The following KDM4B variants were observed in gnomAD, a reference collection of about 807,000 sequenced individuals.
The protein encoded by KDM4B is lysine-specific demethylase 4B.
A neutral mutation model predicts 125.2 loss-of-function variants in KDM4B; 32 were observed. The observed-to-expected ratio is 0.26, with a 90% CI of 0.19 to 0.34. KDM4B has a LOEUF of 0.34. Among genes scored for constraint, KDM4B ranks in the 10% least tolerant of loss-of-function variants. KDM4B has a pLI of 1.00. For synonymous variants in KDM4B, 721 were observed against 677.9 expected (o/e 1.06, Z -0.99); for missense variants, 1,190 against 1,577.7 (o/e 0.75, Z 4.16).
rs979959719 is a variant in KDM4B at position 5,083,761 on chromosome 19, G to A, written c.918+1257G>A. Reference sequence around the variant, plus strand: ...GTGGCTGCTCGTGATGCAGCAGGACGGGCAGCGGGCTGGCCAGGGTGAGAG... The same window carrying A: ...GTGGCTGCTCGTGATGCAGCAGGACAGGCAGCGGGCTGGCCAGGGTGAGAG... On this transcript the variant is annotated intron_variant, in intron 9 of 22. Coordinates refer to ENST00000159111, the MANE Select transcript of KDM4B (RefSeq NM_015015.3). Among the ~76,000 whole-genome samples the A allele has an allele frequency of 1.4e-4, 21 of 152,180 alleles. 1 individual carries two copies. Among genetic ancestry groups the A allele is most frequent in the African/African-American group, 3.9e-4 (16 of 41,438 alleles).
At chr19:5,005,688 T>TG (rs1481092133) in intron 1 of KDM4B, among the ~76,000 whole-genome samples, 1 of 152,078 alleles carries the variant, frequency 6.6e-6, no homozygotes, top group Admixed American at 6.5e-5. Context: ...GACCAGGCCT[T>TG]GGGGGACTGT....
At position 5,144,302 on chromosome 19, in the gene KDM4B, A is replaced by G. The variant is rs780908446; in HGVS notation, c.2791A>G (p.Asn931Asp). 2 of 1,591,944 alleles carry G rather than the reference A, an allele frequency of 1.3e-6. No individual in the cohort carries two copies. Among genetic ancestry groups the G allele is most frequent in the East Asian group, 2.3e-5 (1 of 43,756 alleles). Residue 931 changes from asparagine to aspartate, a missense_variant, in exon 20 of 23, where the codon AAC becomes GAC. This residue lies in a region of KDM4B where 298 missense variants were observed against 439.7 expected (regional missense o/e 0.68). Transcript: ENST00000159111. ...LGQVVITKNR[N>D]GLYYRCRVIG... ...CCAGGTGGTCATCACCAAGAACCGC[A>G]ACGGGCTGTACTACCGCTGTCGCGT...
At chr19:5,072,077 T>C (rs1188512717) in intron 7 of KDM4B, among the ~76,000 whole-genome samples, 2 of 152,172 alleles carry the variant, frequency 1.3e-5, no homozygotes, top group Admixed American at 6.5e-5. Context: ...GCCACAGCTT[T>C]TCCAGGAGCT....
chr19:5,008,594 T>TC (rs2035632745), intron 1 of KDM4B, among the ~76,000 whole-genome samples: 3 of 147,882 alleles, frequency 2.0e-5, no homozygotes, highest in African/African-American at 7.4e-5. Context: ...TCTTTTTCTT[T>TC]TTTTTTTTTT....
chr19:5,002,143 G>A (rs1162162677), intron 1 of KDM4B, among the ~76,000 whole-genome samples: 2 of 152,058 alleles, frequency 1.3e-5, no homozygotes, highest in African/African-American at 2.4e-5. Flanking sequence ...GATTACAGGC[G>A]TGTGCCACCA....
chr19:5,008,962 C>T (rs1351904632), intron 1 of KDM4B, among the ~76,000 whole-genome samples: 2 of 138,410 alleles, frequency 1.4e-5, no homozygotes, highest in Non-Finnish European at 3.0e-5. Context: ...GTTGCCCAGG[C>T]TGGAGTGCAG....
chr19:5,020,187 GCA>G (rs1174589022), intron 2 of KDM4B, among the ~76,000 whole-genome samples: 1 of 131,730 alleles, frequency 7.6e-6, no homozygotes, highest in Non-Finnish European at 1.7e-5. Flanking sequence ...GTGTTGGTGT[GCA>G]GGTGTTGGTG....
chr19:5,048,210 G>A (rs776833583), intron 6 of KDM4B, among the ~76,000 whole-genome samples: 4 of 152,236 alleles, frequency 2.6e-5, no homozygotes, highest in Admixed American at 6.5e-5. Context: ...CGGGTGCAGC[G>A]TGGGCGCTGC....
At chr19:4,987,711 C>T (rs1330835484) in intron 1 of KDM4B, among the ~76,000 whole-genome samples, 3 of 152,162 alleles carry the variant, frequency 2.0e-5, no homozygotes, top group African/African-American at 7.2e-5. Flanking sequence ...GGGCGTGAGC[C>T]ACTGCGCCCG....
intron 1 of KDM4B, among the ~76,000 whole-genome samples, chr19:4,975,522 G>A (rs572440912): frequency 3.2e-4 from 48 of 152,054 alleles, no homozygotes; most frequent in Non-Finnish European, 5.0e-4. Context: ...TCAGCCTCAC[G>A]ACCCCTAGAA....
Position 5,011,331 on chromosome 19 carries a change from C to T in KDM4B, c.-108-4926C>T, listed in dbSNP as rs533777695. Among the ~76,000 whole-genome samples, 15 of 152,306 alleles carry T rather than the reference C, an allele frequency of 9.8e-5. No homozygotes were observed. The Middle Eastern group carries it at 0.014, about 138-fold the overall frequency. Reference sequence around the variant, plus strand: ...TGCTGACAGGGCTTGGAAGTAGGAACGCTAACCCATGTGTATATGCACACC... The same window carrying T: ...TGCTGACAGGGCTTGGAAGTAGGAATGCTAACCCATGTGTATATGCACACC... On this transcript the variant is annotated intron_variant, in intron 1 of 22. Coordinates refer to ENST00000159111, the MANE Select transcript of KDM4B (RefSeq NM_015015.3).
intron 4 of KDM4B, 46 bp downstream of exon 4, chr19:5,040,057 A>G (rs754188659): frequency 1.9e-6 from 3 of 1,554,438 alleles, no homozygotes; most frequent in Non-Finnish European, 1.7e-6. Context: ...CCCCGGGGGC[A>G]CACCTGCTCA....
At chr19:5,037,684 G>A (rs759900559) in intron 3 of KDM4B, among the ~76,000 whole-genome samples, 2 of 152,168 alleles carry the variant, frequency 1.3e-5, no homozygotes, top group African/African-American at 2.4e-5. Flanking sequence ...CTGGGGTGGC[G>A]CCATCCTGGG....
At chr19:5,094,431 G>A (rs552353610) in intron 9 of KDM4B, among the ~76,000 whole-genome samples, 12 of 152,302 alleles carry the variant, frequency 7.9e-5, no homozygotes, top group South Asian at 2.1e-4. Context: ...CACCATGTGC[G>A]GGGGGGAGGC....
At chr19:5,033,161 C>G in intron 3 of KDM4B, 130 bp downstream of exon 3, 2 of 1,070,520 alleles carry the variant, frequency 1.9e-6, no homozygotes, top group Non-Finnish European at 2.7e-6. Flanking sequence ...CGGGGCCACT[C>G]CCAGCTCGTT....
intron 14 of KDM4B, among the ~76,000 whole-genome samples, chr19:5,134,759 C>G (rs190879935): frequency 6.6e-6 from 1 of 152,078 alleles, no homozygotes; most frequent in Non-Finnish European, 1.5e-5. Context: ...GTGCGCCGGC[C>G]GGGTCTGGGT....
intron 9 of KDM4B, among the ~76,000 whole-genome samples, chr19:5,090,016 G>T (rs1309401784): frequency 6.6e-6 from 1 of 152,128 alleles, no homozygotes; most frequent in Non-Finnish European, 1.5e-5. Context: ...CAAAAAGGGG[G>T]AAACAAGACA....
intron 1 of KDM4B, among the ~76,000 whole-genome samples, chr19:5,008,662 T>C (rs6510834): frequency 0.68 from 100,743 of 147,648 alleles, 34,721 homozygotes; most frequent in East Asian, 0.78. Context: ...ACAATCTCAA[T>C]TCACGGTAAC....
At position 5,031,462 on chromosome 19, in the gene KDM4B, G is replaced by A. The variant is rs116196137; in HGVS notation, c.-25-1404G>A. 7.8e-3 allele frequency among the ~76,000 whole-genome samples: 1,196 copies of A among 152,366 alleles called. 25 individuals are homozygous for A. The highest frequency in any genetic ancestry group is 0.027 in the African/African-American group (1,106 of 41,588). ...GCTTTGCGGCTGCCCCATGGGAGAA[G>A]CTGCGAGGACTCTGCACAGAGCAAG... On this transcript the variant is annotated intron_variant, in intron 2 of 22. Coordinates refer to ENST00000159111, the MANE Select transcript of KDM4B (RefSeq NM_015015.3).
Sources: allele counts gnomAD v4.1 joint callset (sites outside exome capture counted in the v4.1 genomes callset), GRCh38; gene constraint gnomAD v4.1.1; regional missense constraint gnomAD v4.1.1; transcripts MANE v1.5; gene names NCBI Gene and HGNC (gene_info 2026-07-23, HGNC 2026-07-21).